The following SHANK1 variants were observed in gnomAD, a reference collection of about 807,000 sequenced individuals.
The protein encoded by SHANK1 is SH3 and multiple ankyrin repeat domains protein 1.
In SHANK1, 35 loss-of-function variants were observed where a neutral mutation model predicts 165.6. The ratio of observed to expected loss-of-function variants is 0.21; its 90% CI spans 0.16 to 0.28. The LOEUF (loss-of-function observed/expected upper bound fraction) is 0.28, where lower values mean the gene tolerates loss of function less well. Ranked by LOEUF, SHANK1 falls within the 10% of genes least tolerant of loss-of-function variation. SHANK1 has a pLI of 1.00. For missense variants in SHANK1, 2,681 were observed against 3,036.4 expected, an observed-to-expected ratio of 0.88 and a Z score of 2.75; for synonymous variants, 1,428 against 1,384.8, an observed-to-expected ratio of 1.03 and a Z score of -0.69.
rs199744718 is a variant in SHANK1 at position 50,684,229 on chromosome 19, G to GTTTT, written c.2577+2004_2577+2007dup. Among the ~76,000 whole-genome samples the GTTTT allele has an allele frequency of 4.2e-3, 619 of 147,126 alleles. 5 individuals are homozygous for GTTTT. The highest frequency in any genetic ancestry group is 0.014 in the African/African-American group (576 of 40,046). ...ATTTGGACTCCATATAAGGAAGAAG[G>GTTTT]TTTTTTTTTTTTTGAGACAGAGTTT... On this transcript the variant is annotated intron_variant, in intron 21 of 23. Transcript: ENST00000293441.
chr19:50,716,270 T>A lies in SHANK1; in HGVS notation c.459+5A>T, dbSNP rs772234964. 1.2e-6 allele frequency: 2 copies of A among 1,613,222 alleles called. No individual in the cohort carries two copies. The highest frequency in any genetic ancestry group is 1.7e-6 in the Non-Finnish European group (2 of 1,179,292). ...TTATCAGTGAAGGAGTTGGGGAAGC[T>A]TCACCTCCAGGTAGGGGACCCCCTT... is the stretch of plus-strand genomic sequence containing the variant. On this transcript the variant is annotated splice_donor_5th_base_variant and intron_variant, in intron 3 of 23. Transcript: ENST00000293441. The surrounding 1 kb of genome is among the most constrained non-coding windows in gnomAD (Gnocchi z 8.4).
chr19:50,704,323 C>G (rs1410436091), intron 9 of SHANK1, 114 bp downstream of exon 9: 1 of 1,313,480 alleles, frequency 7.6e-7, no homozygotes, highest in Non-Finnish European at 1.1e-6. Flanking sequence ...TCCAGCTCCC[C>G]CTCCACGGCC....
chr19:50,704,030 C>T lies in SHANK1; in HGVS notation c.1222+90G>A, dbSNP rs114666504. 3.9e-3 allele frequency: 5,283 copies of T among 1,366,486 alleles called. 184 individuals carry two copies. The African/African-American group carries it at 0.067, about 17-fold the overall frequency. 84.6% of individuals were successfully genotyped at this position (1,366,486 alleles called of 1,614,324 possible). ...AGGGTTTTCTCCATCCTATCCTGGC[C>T]CCCAAGTCAGGTCCCCCAACTCCCC... is the stretch of plus-strand genomic sequence containing the variant. On this transcript the variant is annotated intron_variant, in intron 10 of 23. Transcript: ENST00000293441.
rs1218243438 is a variant in SHANK1, at chr19:50,667,203, G to A, written c.4757C>T (p.Pro1586Leu). 2 of 1,576,462 alleles carry A rather than the reference G, an allele frequency of 1.3e-6. No individual in the cohort carries two copies. The highest frequency in any genetic ancestry group is 1.1e-5 in the South Asian group (1 of 87,206). Reference protein sequence around the residue: ...SFEKPESPLTPGPPHPLPDTP... With the variant: ...SFEKPESPLTLGPPHPLPDTP... Reference sequence around the variant, plus strand: ...GTCGGGCAGCGGGTGGGGAGGCCCAGGCGTGAGGGGCGACTCTGGCTTTTC... The same window carrying A: ...GTCGGGCAGCGGGTGGGGAGGCCCAAGCGTGAGGGGCGACTCTGGCTTTTC... The change falls in exon 23 of 24, where the codon CCT becomes CTT. Residue 1586 changes from proline to leucine, a missense_variant. Physicochemically the swap from Pro to Leu is moderately conservative, Grantham distance 98. Coordinates refer to ENST00000293441, the MANE Select transcript of SHANK1 (RefSeq NM_016148.5). This position sits in a 1 kb window ranked among gnomAD's most constrained non-coding sequence, Gnocchi z 5.7.
rs1428038388 is a variant in SHANK1, at chr19:50,660,007, C to CA, written c.*1957dup. ...TGACATGGTGAGGGGAGGGGGCTTG[C>CA]AGCCCCCTCCCCTCATGGACGGAGC... is the stretch of plus-strand genomic sequence containing the variant. On this transcript the variant is annotated 3_prime_UTR_variant, in exon 24 of 24. Transcript: ENST00000293441. Among the ~76,000 whole-genome samples, 19 of 150,294 alleles carry CA rather than the reference C, an allele frequency of 1.3e-4. No individual in the cohort carries two copies. The highest frequency in any genetic ancestry group is 4.0e-4 in the East Asian group (2 of 5,004).
At position 50,667,556 on chromosome 19, in the gene SHANK1, G is replaced by T. The variant is rs1985587630; in HGVS notation, c.4404C>A (p.Ala1468=). ...LLLQLGTEPP[A]PHPGVSKPWR... is the part of the protein sequence containing the mutation. Reference sequence around the variant, plus strand: ...AGGGCTTGCTTACTCCGGGGTGCGGGGCCGGGGGCTCCGTCCCCAGCTGCA... The same window carrying T: ...AGGGCTTGCTTACTCCGGGGTGCGGTGCCGGGGGCTCCGTCCCCAGCTGCA... The change falls in exon 23 of 24, where the codon GCC becomes GCA. Residue 1468 remains alanine (A), a synonymous_variant. Coordinates refer to ENST00000293441, the MANE Select transcript of SHANK1 (RefSeq NM_016148.5). This position sits in a 1 kb window ranked among gnomAD's most constrained non-coding sequence, Gnocchi z 5.7. 2.1e-6 allele frequency: 3 copies of T among 1,463,360 alleles called. No homozygotes were observed. In the South Asian group the frequency reaches 4.3e-5, roughly 21 times the overall value. The allele number at this position is 1,463,360 out of a possible 1,614,324, so 90.6% of individuals were successfully genotyped here.
At chr19:50,694,690 A>G (rs1407409965) in intron 15 of SHANK1, among the ~76,000 whole-genome samples, 11 of 143,588 alleles carry the variant, frequency 7.7e-5, no homozygotes. Flanking sequence ...AGAGGATTCC[A>G]GGGAGGAAGA....
chr19:50,686,120 CT>C lies in SHANK1; in HGVS notation c.2577+116del, dbSNP rs2123126823. 3.6e-6 allele frequency: 2 copies of C among 551,996 alleles called. No homozygotes were observed. The highest frequency in any genetic ancestry group is 5.6e-5 in the South Asian group (2 of 35,700). 34.2% of individuals were successfully genotyped at this position (551,996 alleles called of 1,614,324 possible). A position where few individuals can be genotyped will look rare whatever the true frequency, so the allele number is the denominator to read the frequency against. ...GGAAACCCTAGGATGTGTGTCGCCC[CT>C]CCAGGACCAGCCTAAAGCACAGAGG... On this transcript the variant is annotated intron_variant, in intron 21 of 23. Transcript: ENST00000293441. This position sits in a 1 kb window ranked among gnomAD's most constrained non-coding sequence, Gnocchi z 5.7.
chr19:50,694,336 G>A (rs913626375), intron 15 of SHANK1, among the ~76,000 whole-genome samples: 8 of 151,504 alleles, frequency 5.3e-5, no homozygotes, highest in African/African-American at 1.7e-4. Flanking sequence ...CGTGTGTGAT[G>A]GAGGGGGGAT....
intron 8 of SHANK1, among the ~76,000 whole-genome samples, chr19:50,706,666 T>G (rs945384403): frequency 1.4e-4 from 22 of 151,982 alleles, no homozygotes; most frequent in Admixed American, 1.4e-3. Flanking sequence ...GCTTCCTCAC[T>G]TCGTTCAGGC....
rs539116200 is a variant in SHANK1 at position 50,662,283 on chromosome 19, C to T, written c.6168G>A (p.Pro2056=). The change falls in exon 24 of 24, where the codon CCG becomes CCA. Residue 2056 remains proline (P), a synonymous_variant. Coordinates refer to ENST00000293441, the MANE Select transcript of SHANK1 (RefSeq NM_016148.5). The surrounding 1 kb of genome is among the most constrained non-coding windows in gnomAD (Gnocchi z 7.7). Reference sequence around the variant, plus strand: ...GCCCCCCGGATATCCCCGGGTGTGGCGGCACAAAGACTGGGGCGAAGGGGT... The same window carrying T: ...GCCCCCCGGATATCCCCGGGTGTGGTGGCACAAAGACTGGGGCGAAGGGGT... ...SADPFAPVFV[P]PHPGISGGLG... 8.6e-5 allele frequency: 139 copies of T among 1,611,750 alleles called. 1 individual carries two copies. The South Asian group carries it at 1.3e-3, about 15-fold the overall frequency.
At chr19:50,663,464 ACTCTG>A (rs931712621) in intron 23 of SHANK1, among the ~76,000 whole-genome samples, 1 of 151,650 alleles carries the variant, frequency 6.6e-6, no homozygotes, top group African/African-American at 2.4e-5. Flanking sequence ...CACTTTCATT[ACTCTG>A]CCCACCTTGC....
rs1301400435 is a variant in SHANK1 at position 50,695,391 on chromosome 19, C to T, written c.1964+1705G>A. ...TAACCCCTTGGCGTCCTGCGCCGGG[C>T]GGCGGAGGGGGCCGGGCAGGGGGGA... On this transcript the variant is annotated intron_variant, in intron 15 of 23. Transcript: ENST00000293441. 2.6e-5 allele frequency among the ~76,000 whole-genome samples: 3 copies of T among 116,318 alleles called. No homozygotes were observed. In the East Asian group the frequency reaches 8.3e-4, roughly 32 times the overall value. The allele number at this position is 116,318 out of a possible 152,430, so 76.3% of individuals were successfully genotyped here.
intron 7 of SHANK1, 81 bp from the exon 8 acceptor site, chr19:50,711,568 G>T: frequency 1.0e-6 from 1 of 990,222 alleles, no homozygotes; most frequent in Non-Finnish European, 1.5e-6. Context: ...TATGACCTGT[G>T]CACTGGCCTT....
rs759365241 is a variant in SHANK1 at position 50,711,477 on chromosome 19, C to T, written c.971G>A (p.Arg324Gln). 14 of 1,573,042 alleles carry T rather than the reference C, an allele frequency of 8.9e-6. No homozygotes were observed. The highest frequency in any genetic ancestry group is 5.5e-5 in the Admixed American group (3 of 54,382). ...ATGCTCCAGGTGCTGAGAGTGACCC[C>T]GCTGGCAGGCCTGGGCAGGACAGGG... ...GWQEIHQACQRGHSQHLEHLL... is the reference protein window; with the variant it reads ...GWQEIHQACQQGHSQHLEHLL... Residue 324 changes from arginine (R) to glutamine (Q), a missense_variant, in exon 8 of 24, where the codon CGG (arginine) becomes CAG (glutamine). Transcript: ENST00000293441.
rs767264945 is a variant in SHANK1 at position 50,688,934 on chromosome 19, C to T, written c.2082G>A (p.Pro694=). Residue 694 remains proline (P), a synonymous_variant, in exon 17 of 24, where the codon CCG becomes CCA. Coordinates refer to ENST00000293441, the MANE Select transcript of SHANK1 (RefSeq NM_016148.5). The surrounding 1 kb of genome is among the most constrained non-coding windows in gnomAD (Gnocchi z 6.7). The part of the protein sequence containing the change: ...QTPIEEFTPT[P]AFPALQYLES... ...CCAGGTACTGCAGCGCCGGGAAGGC[C>T]GGGGTGGGGGTGAACTCCTCGATGG... 40 of 1,528,272 alleles carry T rather than the reference C, an allele frequency of 2.6e-5. No individual in the cohort carries two copies. Among genetic ancestry groups the T allele is most frequent in the South Asian group, 1.1e-4 (9 of 84,098 alleles). 94.7% of individuals were successfully genotyped at this position (1,528,272 alleles called of 1,614,324 possible). A position where few individuals can be genotyped will look rare whatever the true frequency, so the allele number is the denominator to read the frequency against.
intron 8 of SHANK1, among the ~76,000 whole-genome samples, chr19:50,709,400 C>T (rs928981296): frequency 6.6e-6 from 1 of 152,154 alleles, no homozygotes; most frequent in African/African-American, 2.4e-5. Flanking sequence ...CTCGGCCTCC[C>T]AAAGTGCTGG....
Position 50,675,056 on chromosome 19 carries a change from G to C in SHANK1, c.2578-2942C>G, listed in dbSNP as rs567321318. Among the ~76,000 whole-genome samples the C allele has an allele frequency of 2.6e-3, 283 of 108,906 alleles. 2 individuals carry two copies. The highest frequency in any genetic ancestry group is 0.011 in the African/African-American group (264 of 24,486). 71.4% of individuals were successfully genotyped at this position (108,906 alleles called of 152,430 possible). On this transcript the variant is annotated intron_variant, in intron 21 of 23. Transcript: ENST00000293441. The stretch of plus-strand genomic sequence containing the variant: ...CAGCCTGGGTGATAGAGCAACACTC[G>C]GTCTCAAAAAAAAAAAAAAAAAAAA...
chr19:50,661,857 T>G lies in SHANK1; in HGVS notation c.*108A>C. 7.6e-7 allele frequency: 1 copy of G among 1,316,512 alleles called. No homozygotes were observed. The highest frequency in any genetic ancestry group is 1.4e-5 in the African/African-American group (1 of 69,134). 81.6% of individuals were successfully genotyped at this position (1,316,512 alleles called of 1,614,324 possible). A position where few individuals can be genotyped will look rare whatever the true frequency, so the allele number is the denominator to read the frequency against. ...TGGGAGATGAGGGCAGGGCGCAGTT[T>G]GAACAGAGTCCCTGGCCCGGGGAGA... On this transcript the variant is annotated 3_prime_UTR_variant, in exon 24 of 24. Transcript: ENST00000293441.
Sources: allele counts gnomAD v4.1 joint callset (sites outside exome capture counted in the v4.1 genomes callset), GRCh38; gene constraint gnomAD v4.1.1; non-coding constraint Gnocchi (gnomAD v3.1); transcripts MANE v1.5; gene names NCBI Gene and HGNC (gene_info 2026-07-23, HGNC 2026-07-21).